The following DHRSX variants were observed in gnomAD, a reference collection of about 807,000 sequenced individuals.
DHRSX encodes dehydrogenase/reductase X-linked.
In DHRSX, 31 loss-of-function variants were observed where a neutral mutation model predicts 34.0. That is an observed-to-expected ratio of 0.91 (90% confidence interval 0.69 to 1.23). The LOEUF (loss-of-function observed/expected upper bound fraction) is 1.23. DHRSX is among the 50% of genes most tolerant of loss of function. The pLI is 0.00. For synonymous variants in DHRSX, 201 were observed against 183.8 expected, an observed-to-expected ratio of 1.09 and a Z score of -0.76; for missense variants, 414 against 428.1, an observed-to-expected ratio of 0.97 and a Z score of 0.29.
rs890000745 is a variant in DHRSX at position 2,341,476 on chromosome X, C to T, written c.287-49873G>A. Reference sequence around the variant, plus strand: ...ACTCCAGTCTCTGCCTCCGTCTCCACGTGGCCTTCTCCTCTGTGTCTGTGT... The same window carrying T: ...ACTCCAGTCTCTGCCTCCGTCTCCATGTGGCCTTCTCCTCTGTGTCTGTGT... On this transcript the variant is annotated intron_variant, in intron 3 of 6. Coordinates refer to ENST00000334651, the MANE Select transcript of DHRSX (RefSeq NM_145177.3). Among the ~76,000 whole-genome samples, 6 of 152,104 alleles carry T rather than the reference C, an allele frequency of 3.9e-5. No individual in the cohort carries two copies. The South Asian group carries it at 6.2e-4, about 16-fold the overall frequency.
At chrX:2,465,803 C>T (rs2044483497) in intron 1 of DHRSX, among the ~76,000 whole-genome samples, 1 of 101,118 alleles carries the variant, frequency 9.9e-6, no homozygotes, top group South Asian at 2.8e-4. Context: ...GAGCAAAACT[C>T]CATCGCAAAA....
chrX:2,338,322 G>A (rs2042596110), intron 3 of DHRSX, among the ~76,000 whole-genome samples: 1 of 151,596 alleles, frequency 6.6e-6, no homozygotes, highest in African/African-American at 2.4e-5. Context: ...AACAGAGCGA[G>A]ACTCTGTTTC....
chrX:2,398,526 G>T, intron 3 of DHRSX, among the ~76,000 whole-genome samples: 1 of 152,052 alleles, frequency 6.6e-6, no homozygotes, highest in Non-Finnish European at 1.5e-5. Context: ...GAAACGCACC[G>T]ACTATCTGGG....
chrX:2,432,045 G>A (rs1417696504), intron 1 of DHRSX, among the ~76,000 whole-genome samples: 1 of 152,010 alleles, frequency 6.6e-6, no homozygotes, highest in Non-Finnish European at 1.5e-5. Context: ...ACAAAATTTA[G>A]CTGGGCGTGG....
rs1569485810 is a variant in DHRSX, at chrX:2,304,055, GGATGGATGGGTGGA to G, written c.287-12466_287-12453del. Among the ~76,000 whole-genome samples the G allele has an allele frequency of 1.4e-3, 147 of 108,416 alleles. 1 individual carries two copies. The highest frequency in any genetic ancestry group is 3.8e-3 in the African/African-American group (128 of 34,050). The allele number at this position is 108,416 out of a possible 152,430, so 71.1% of individuals were successfully genotyped here. On this transcript the variant is annotated intron_variant, in intron 3 of 6. Coordinates refer to ENST00000334651, the MANE Select transcript of DHRSX (RefSeq NM_145177.3). ...TGGATGGATGGATGGATGGATGGAT[GGATGGATGGGTGGA>G]TGGATGGATGGGTGGGTGGGTGGAT...
chrX:2,489,717 T>G (rs1240587144), intron 1 of DHRSX: 1 of 1,613,000 alleles, frequency 6.2e-7, no homozygotes, highest in Non-Finnish European at 8.5e-7. Flanking sequence ...TGCTTCTGCT[T>G]CTCATAGAGC....
intron 1 of DHRSX, among the ~76,000 whole-genome samples, chrX:2,434,495 C>T (rs1305749283): frequency 6.6e-6 from 1 of 152,072 alleles, no homozygotes; most frequent in Non-Finnish European, 1.5e-5. Context: ...CATAGCAAGA[C>T]CCTACCTCTA....
At chrX:2,432,795 G>C (rs186403660) in intron 1 of DHRSX, among the ~76,000 whole-genome samples, 36 of 152,286 alleles carry the variant, frequency 2.4e-4, no homozygotes, top group Non-Finnish European at 4.4e-4. Context: ...AATTCAGAAA[G>C]ATGGTTAGAT....
intron 6 of DHRSX, among the ~76,000 whole-genome samples, chrX:2,226,507 T>TC (rs1363437390): frequency 2.6e-5 from 4 of 152,074 alleles, no homozygotes; most frequent in Admixed American, 2.6e-4. Context: ...GTGATCTTTT[T>TC]CCCCAAAGAA....
At chrX:2,327,964 C>T (rs2042407851) in intron 3 of DHRSX, among the ~76,000 whole-genome samples, 1 of 151,290 alleles carries the variant, frequency 6.6e-6, no homozygotes, top group Admixed American at 6.6e-5. Flanking sequence ...CCTGTAGTTC[C>T]AGCTACTTGG....
chrX:2,382,085 G>A (rs778591999), intron 3 of DHRSX, among the ~76,000 whole-genome samples: 1 of 152,336 alleles, frequency 6.6e-6, no homozygotes, highest in African/African-American at 2.4e-5. Flanking sequence ...CTGTGGGCCT[G>A]CCTAGACTCA....
At chrX:2,304,059 GGATGGGTGGA>G (rs1569485813) in intron 3 of DHRSX, among the ~76,000 whole-genome samples, 57 of 104,518 alleles carry the variant, frequency 5.5e-4, no homozygotes, top group African/African-American at 1.6e-3. Flanking sequence ...ATGGATGGAT[GGATGGGTGGA>G]TGGATGGATG....
At chrX:2,482,517 A>G (rs920250750) in intron 1 of DHRSX, among the ~76,000 whole-genome samples, 6 of 152,130 alleles carry the variant, frequency 3.9e-5, no homozygotes, top group African/African-American at 1.4e-4. Flanking sequence ...CTCCTGCCTC[A>G]GCCTCCCAAA....
intron 1 of DHRSX, among the ~76,000 whole-genome samples, chrX:2,486,033 G>T (rs924332461): frequency 6.6e-6 from 1 of 151,724 alleles, no homozygotes; most frequent in African/African-American, 2.4e-5. Flanking sequence ...AGGAAGAGAG[G>T]GGTGATAAGG....
At chrX:2,332,577 A>G (rs950904100) in intron 3 of DHRSX, among the ~76,000 whole-genome samples, 4 of 152,178 alleles carry the variant, frequency 2.6e-5, no homozygotes, top group African/African-American at 9.6e-5. Flanking sequence ...TTCCCACCCA[A>G]CTACCTCTCT....
At chrX:2,348,678 G>A (rs1242449994) in intron 3 of DHRSX, among the ~76,000 whole-genome samples, 1 of 150,242 alleles carries the variant, frequency 6.7e-6, no homozygotes. Context: ...AGCCCTTGTG[G>A]GTCTCTTATT....
intron 3 of DHRSX, among the ~76,000 whole-genome samples, chrX:2,406,845 A>G (rs904728579): frequency 2.6e-5 from 4 of 152,302 alleles, no homozygotes; most frequent in African/African-American, 9.6e-5. Context: ...GTCACTATGA[A>G]AAACAGTACA....
Position 2,397,424 on chromosome X carries a change from G to A in DHRSX, c.286+11321C>T, listed in dbSNP as rs993368643. Among the ~76,000 whole-genome samples, 109 of 152,098 alleles carry A rather than the reference G, an allele frequency of 7.2e-4. 1 individual carries two copies. Among genetic ancestry groups the A allele is most frequent in the African/African-American group, 2.5e-3 (103 of 41,420 alleles). On this transcript the variant is annotated intron_variant, in intron 3 of 6. Coordinates refer to ENST00000334651, the MANE Select transcript of DHRSX (RefSeq NM_145177.3). The stretch of plus-strand genomic sequence containing the variant: ...GCTGGAATTCCAAGCGTGAGCCACC[G>A]GGCCCGACCCTGGCATTCACCCCTC...
rs2873362 is a variant in DHRSX at position 2,453,770 on chromosome X, G to A, written c.110-28466C>T. Among the ~76,000 whole-genome samples the A allele has an allele frequency of 8.4e-3, 1,271 of 151,990 alleles. 39 individuals carry two copies. Among genetic ancestry groups the A allele is most frequent in the East Asian group, 0.078 (402 of 5,170 alleles). ...CAGTGATGATAGTTAATAATACATC[G>A]CGTCTTTCACAATGACTAAAAGTAG... On this transcript the variant is annotated intron_variant, in intron 1 of 6. Transcript: ENST00000334651.
Sources: allele counts gnomAD v4.1 joint callset (sites outside exome capture counted in the v4.1 genomes callset), GRCh38; gene constraint gnomAD v4.1.1; transcripts MANE v1.5; gene names NCBI Gene and HGNC (gene_info 2026-07-23, HGNC 2026-07-21).